SH3PXD2A: variants seen among roughly 807,000 people sequenced by gnomAD.
SH3PXD2A encodes SH3 and PX domain-containing protein 2A.
Under a neutral mutation model 115.2 loss-of-function variants are expected in SH3PXD2A, and 32 were observed. The ratio of observed to expected loss-of-function variants is 0.28; its 90% CI spans 0.21 to 0.37. SH3PXD2A has a LOEUF of 0.37. Among genes scored for constraint, SH3PXD2A ranks in the 10% least tolerant of loss-of-function variants. The pLI is 1.00. For missense variants in SH3PXD2A, 1,328 were observed against 1,498.7 expected, an observed-to-expected ratio of 0.89 and a Z score of 1.88; for synonymous variants, 610 against 629.1, an observed-to-expected ratio of 0.97 and a Z score of 0.45.
chr10:103,750,746 C>T (rs544777550), intron 3 of SH3PXD2A, among the ~76,000 whole-genome samples: 2 of 152,300 alleles, frequency 1.3e-5, no homozygotes, highest in Non-Finnish European at 2.9e-5. Context: ...GCTCTTTCTG[C>T]CTTGTCCATT....
intron 11 of SH3PXD2A, among the ~76,000 whole-genome samples, chr10:103,616,052 G>A (rs969395024): frequency 2.0e-5 from 3 of 150,694 alleles, no homozygotes; most frequent in Non-Finnish European, 4.4e-5. Context: ...GGGTAGGGGC[G>A]GGGGGTGTGG....
intron 6 of SH3PXD2A, among the ~76,000 whole-genome samples, chr10:103,688,542 C>T (rs924516665): frequency 6.6e-6 from 1 of 152,124 alleles, no homozygotes; most frequent in African/African-American, 2.4e-5. Flanking sequence ...CAGTTTTAAG[C>T]AGAAATCTTA....
At chr10:103,729,394 T>A (rs944629420) in intron 4 of SH3PXD2A, among the ~76,000 whole-genome samples, 1 of 152,246 alleles carries the variant, frequency 6.6e-6, no homozygotes, top group Non-Finnish European at 1.5e-5. Context: ...CTCTAACTGT[T>A]AATAGCTCTA....
chr10:103,612,807 C>T (rs2036448237), intron 12 of SH3PXD2A, 46 bp downstream of exon 12: 1 of 1,404,834 alleles, frequency 7.1e-7, no homozygotes, highest in Non-Finnish European at 9.6e-7. Flanking sequence ...TGCCCATTCT[C>T]TAAGGAGCTT....
At chr10:103,796,620 C>G (rs1564891177) in intron 2 of SH3PXD2A, among the ~76,000 whole-genome samples, 1 of 152,118 alleles carries the variant, frequency 6.6e-6, no homozygotes, top group Non-Finnish European at 1.5e-5. Flanking sequence ...GCCTGCGCCA[C>G]TTCTGCTCTG....
At chr10:103,706,714 C>T (rs2037984530) in intron 5 of SH3PXD2A, among the ~76,000 whole-genome samples, 1 of 152,206 alleles carries the variant, frequency 6.6e-6, no homozygotes, top group African/African-American at 2.4e-5. Flanking sequence ...TGGTCAGACG[C>T]TGCTAACACC....
intron 6 of SH3PXD2A, among the ~76,000 whole-genome samples, chr10:103,671,566 A>G (rs955537617): frequency 6.6e-6 from 1 of 152,130 alleles, no homozygotes; most frequent in African/African-American, 2.4e-5. Flanking sequence ...CTCCCACTCA[A>G]AGTCCCTCCC....
At chr10:103,783,264 G>C (rs1199047162) in intron 2 of SH3PXD2A, among the ~76,000 whole-genome samples, 1 of 152,238 alleles carries the variant, frequency 6.6e-6, no homozygotes, top group Non-Finnish European at 1.5e-5. Context: ...GGTCTGCCAG[G>C]ATAGGGTTTA....
intron 1 of SH3PXD2A, among the ~76,000 whole-genome samples, chr10:103,847,815 T>C (rs1759723394): frequency 6.6e-6 from 1 of 152,082 alleles, no homozygotes; most frequent in African/African-American, 2.4e-5. Context: ...GGTGCATGCC[T>C]GTAATCCCAG....
At chr10:103,686,071 C>T (rs1357966783) in intron 6 of SH3PXD2A, among the ~76,000 whole-genome samples, 1 of 152,230 alleles carries the variant, frequency 6.6e-6, no homozygotes, top group Non-Finnish European at 1.5e-5. Flanking sequence ...TAATGCTGAT[C>T]TCATGAACTC....
chr10:103,647,794 A>G (rs568094189), intron 8 of SH3PXD2A, among the ~76,000 whole-genome samples: 2 of 152,268 alleles, frequency 1.3e-5, no homozygotes, highest in East Asian at 1.9e-4. Context: ...CCGGTTATCA[A>G]TGCTGGGGAA....
intron 6 of SH3PXD2A, chr10:103,678,087 G>A (rs1394478165): frequency 7.8e-7 from 1 of 1,280,356 alleles, no homozygotes; most frequent in South Asian, 1.2e-5. Context: ...TTACCCCTAA[G>A]CAGTACAGTC....
rs115609750 is a variant in SH3PXD2A at position 103,611,672 on chromosome 10, T to C, written c.1259-42A>G. Reference sequence around the variant, plus strand: ...GGCTTCAGAAATCCTAGTCAGACGATGGGCAACAGTACCCATACCTGCCTT... The same window carrying C: ...GGCTTCAGAAATCCTAGTCAGACGACGGGCAACAGTACCCATACCTGCCTT... On this transcript the variant is annotated intron_variant, in intron 12 of 14. Transcript: ENST00000369774. 381 of 1,511,630 alleles carry C rather than the reference T, an allele frequency of 2.5e-4. 1 individual carries two copies. The African/African-American group carries it at 4.5e-3, about 18-fold the overall frequency. The allele number at this position is 1,511,630 out of a possible 1,614,324, so 93.6% of individuals were successfully genotyped here.
intron 1 of SH3PXD2A, among the ~76,000 whole-genome samples, chr10:103,825,762 ATTTTTT>A (rs370142036): frequency 7.6e-6 from 1 of 132,446 alleles, no homozygotes; most frequent in Non-Finnish European, 1.6e-5. Flanking sequence ...TCCGTAACAA[ATTTTTT>A]TTTTTTTTTT....
chr10:103,731,167 T>G (rs2038315175), intron 4 of SH3PXD2A, among the ~76,000 whole-genome samples: 1 of 147,990 alleles, frequency 6.8e-6, no homozygotes, highest in African/African-American at 2.5e-5. Context: ...CCGTTTTTGT[T>G]TTTTTTTTTT....
At chr10:103,628,957 G>A (rs2036738805) in intron 8 of SH3PXD2A, among the ~76,000 whole-genome samples, 1 of 152,224 alleles carries the variant, frequency 6.6e-6, no homozygotes, top group African/African-American at 2.4e-5. Context: ...CACGTACATA[G>A]GTGAATGAGA....
intron 3 of SH3PXD2A, among the ~76,000 whole-genome samples, chr10:103,753,482 C>T (rs1042849624): frequency 1.8e-4 from 22 of 120,620 alleles, no homozygotes; most frequent in African/African-American, 6.8e-4. Flanking sequence ...GACAACAGAG[C>T]AAGACCCCAT....
chr10:103,670,494 G>A (rs1021928072), intron 6 of SH3PXD2A, among the ~76,000 whole-genome samples: 2 of 152,210 alleles, frequency 1.3e-5, no homozygotes, highest in African/African-American at 4.8e-5. Flanking sequence ...GCCTCCCTGG[G>A]TTCAATCAGC....
At chr10:103,647,159 C>G (rs1307714760) in intron 8 of SH3PXD2A, among the ~76,000 whole-genome samples, 1 of 152,186 alleles carries the variant, frequency 6.6e-6, no homozygotes, top group East Asian at 1.9e-4. Flanking sequence ...CCATGAGGAG[C>G]CACAGCTTCA....
Sources: allele counts gnomAD v4.1 joint callset (sites outside exome capture counted in the v4.1 genomes callset), GRCh38; gene constraint gnomAD v4.1.1; transcripts MANE v1.5; gene names NCBI Gene and HGNC (gene_info 2026-07-23, HGNC 2026-07-21).